NOP9: variants seen among roughly 807,000 people sequenced by gnomAD.
NOP9 encodes nucleolar protein 9.
A neutral mutation model predicts 63.0 loss-of-function variants in NOP9; 50 were observed. The ratio of observed to expected loss-of-function variants is 0.79; its 90% CI spans 0.63 to 1.00. NOP9 has a LOEUF of 1.00. Among genes scored for constraint, NOP9 ranks in the 50% least tolerant of loss-of-function variants. The probability of loss-of-function intolerance (pLI) is 0.00; values close to 1 mark genes in which losing one functional copy is unlikely to be tolerated. For missense variants in NOP9, 758 were observed against 803.0 expected (o/e 0.94, Z 0.68); for synonymous variants, 343 against 332.8 (o/e 1.03, Z -0.33).
the NOP9 span, among the ~76,000 whole-genome samples, chr14:24,286,301 C>T: frequency 0.4 from 60,822 of 152,098 alleles, 13,303 homozygotes; most frequent in Middle Eastern, 0.58. Flanking sequence ...TACAATGTCT[C>T]GTCTGCTCAC....
At chr14:24,291,779 G>A in the NOP9 span, 64 of 747,092 alleles carry the variant, frequency 8.6e-5, no homozygotes, top group East Asian at 1.7e-3. Context: ...GTATTGGCAG[G>A]TGCCAGAGCC....
At chr14:24,304,903 A>AT in intron 9 of NOP9, 35 bp from the exon 10 acceptor site, 1 of 1,497,470 alleles carries the variant, frequency 6.7e-7, no homozygotes. Flanking sequence ...GTCTTTGAGC[A>AT]TGGTAGTACT....
upstream of NOP9, chr14:24,296,436 T>G (rs146498796): frequency 2.2e-4 from 314 of 1,422,568 alleles, 2 homozygotes; most frequent in African/African-American, 3.7e-3. Context: ...GGAGAGGGCA[T>G]GTAAGGAAAG....
At chr14:24,288,855 GT>G in the NOP9 span, among the ~76,000 whole-genome samples, 1 of 151,884 alleles carries the variant, frequency 6.6e-6, no homozygotes, top group Non-Finnish European at 1.5e-5. Context: ...TTTGTTTTTT[GT>G]TTTTTTGAGA....
intron 6 of NOP9, 142 bp from the exon 7 acceptor site, chr14:24,303,590 C>G: frequency 1.2e-6 from 1 of 808,282 alleles, no homozygotes; most frequent in South Asian, 1.6e-5. Context: ...GCTGGGGATA[C>G]AGCAAGGCAT....
Position 24,300,464 on chromosome 14 carries a change from A to G in NOP9, c.304A>G (p.Thr102Ala). 1.2e-6 allele frequency: 2 copies of G among 1,614,238 alleles called. No individual in the cohort carries two copies. The highest frequency in any genetic ancestry group is 8.5e-7 in the Non-Finnish European group (1 of 1,180,036). Residue 102 changes from threonine (T) to alanine (A), a missense_variant, in exon 2 of 10, where the codon ACG becomes GCG. By Grantham distance (58) the Thr-to-Ala change is moderately conservative. Transcript: ENST00000267425. The stretch of plus-strand genomic sequence containing the variant: ...AGAGACTCAGGCCCTAGCTTTGTCC[A>G]CGAACAGGACTGGCAGTGAGATGCT... ...EVETQALALS[T>A]NRTGSEMLQE...
At chr14:24,282,957 G>A in the NOP9 span, among the ~76,000 whole-genome samples, 2 of 152,260 alleles carry the variant, frequency 1.3e-5, no homozygotes, top group South Asian at 2.1e-4. Flanking sequence ...TGAGTTCCCC[G>A]GGAGGCTTGG....
Position 24,308,122 on chromosome 14 carries a change from A to G in NOP9, c.*3027A>G, listed in dbSNP as rs1021562029. On this transcript the variant is annotated 3_prime_UTR_variant, in exon 10 of 10. Transcript: ENST00000267425. ...GGAGCTTGTATGTGTGTCTTTGGTGATGACATGTGTTGTGAGGGTAGATGG... is the reference window on the plus strand; with the variant it reads ...GGAGCTTGTATGTGTGTCTTTGGTGGTGACATGTGTTGTGAGGGTAGATGG... 2.2e-5 allele frequency: 12 copies of G among 541,886 alleles called. No individual in the cohort carries two copies. The highest frequency in any genetic ancestry group is 2.1e-4 in the African/African-American group (11 of 52,652). 33.6% of individuals were successfully genotyped at this position (541,886 alleles called of 1,614,324 possible).
At chr14:24,271,286 A>ACGTGCAAAGCCTGTCC in the NOP9 span, 1 of 836,968 alleles carries the variant, frequency 1.2e-6, no homozygotes, top group African/African-American at 1.7e-5. Context: ...AGGTCCTGGG[A>ACGTGCAAAGCCTGTCC]CAGGCTTTGC....
chr14:24,300,065 G>T lies in NOP9; in HGVS notation c.111G>T (p.Arg37=), dbSNP rs755153399. ...GGCGCCCCTTACCAGGCCGTAAGCG[G>T]CAACCCTGGCCGCCTCCGGATGGGC... ...GSGRPLPGRK[R]QPWPPPDGRS... The change falls in exon 1 of 10, where the codon CGG becomes CGT. Residue 37 remains arginine (R), a synonymous_variant. Transcript: ENST00000267425. 1.9e-6 allele frequency: 3 copies of T among 1,612,444 alleles called. No homozygotes were observed. Among genetic ancestry groups the T allele is most frequent in the Non-Finnish European group, 2.5e-6 (3 of 1,179,712 alleles).
chr14:24,296,931 C>A, upstream of NOP9: 1 of 1,609,258 alleles, frequency 6.2e-7, no homozygotes, highest in South Asian at 1.1e-5. Context: ...GGGTGTGAGT[C>A]ATGACAAAAC....
chr14:24,276,250 G>T, the NOP9 span, among the ~76,000 whole-genome samples: 70 of 151,408 alleles, frequency 4.6e-4, no homozygotes, highest in Middle Eastern at 3.4e-3. Context: ...GGTGGTACGT[G>T]CCTGTAGTCC....
At chr14:24,290,722 C>T in the NOP9 span, 1 of 1,150,244 alleles carries the variant, frequency 8.7e-7, no homozygotes, top group Admixed American at 2.2e-5. Flanking sequence ...CAGAACTCAC[C>T]ACGGACACAC....
At chr14:24,292,308 C>T in the NOP9 span, 6 of 1,613,946 alleles carry the variant, frequency 3.7e-6, no homozygotes, top group African/African-American at 2.7e-5. Flanking sequence ...CTCGTGGGCA[C>T]AGTCAGCAGC....
the NOP9 span, chr14:24,291,081 G>A: frequency 6.2e-7 from 1 of 1,613,226 alleles, no homozygotes. Context: ...CGAGGGAGGA[G>A]TGGGCAGGGA....
the NOP9 span, chr14:24,290,636 T>C: frequency 7.8e-6 from 4 of 510,594 alleles, no homozygotes; most frequent in East Asian, 3.3e-5. Flanking sequence ...TCCAAGAGCA[T>C]TTTTCAATAC....
Position 24,305,836 on chromosome 14 carries a change from G to A in NOP9, c.*741G>A. 6.3e-7 allele frequency: 1 copy of A among 1,594,014 alleles called. No homozygotes were observed. The highest frequency in any genetic ancestry group is 8.6e-7 in the Non-Finnish European group (1 of 1,168,348). On this transcript the variant is annotated 3_prime_UTR_variant, in exon 10 of 10. Transcript: ENST00000267425. Reference sequence around the variant, plus strand: ...GGAGGAAGCCATCAAGCTGGGAGATGAGGACTTTCCACAAGCAAGAGCTAA... The same window carrying A: ...GGAGGAAGCCATCAAGCTGGGAGATAAGGACTTTCCACAAGCAAGAGCTAA...
At chr14:24,296,436 T>C (rs146498796), upstream of NOP9, 10 of 1,422,572 alleles carry the variant, frequency 7.0e-6, no homozygotes, top group African/African-American at 4.2e-5. Context: ...GGAGAGGGCA[T>C]GTAAGGAAAG....
chr14:24,302,220 T>C lies in NOP9; in HGVS notation c.951-12T>C, dbSNP rs765048503. 22 of 1,606,502 alleles carry C rather than the reference T, an allele frequency of 1.4e-5. No homozygotes were observed. In the Admixed American group the frequency reaches 3.7e-4, roughly 27 times the overall value. On this transcript the variant is annotated splice_polypyrimidine_tract_variant and intron_variant, in intron 4 of 9. Transcript: ENST00000267425. Reference sequence around the variant, plus strand: ...TGGAGTTAAGACTGCCTGATGCCCTTCTTGTCCCTAGTCCCCTACTGCTAT... The same window carrying C: ...TGGAGTTAAGACTGCCTGATGCCCTCCTTGTCCCTAGTCCCCTACTGCTAT...
Sources: allele counts gnomAD v4.1 joint callset (sites outside exome capture counted in the v4.1 genomes callset), GRCh38; gene constraint gnomAD v4.1.1; transcripts MANE v1.5; gene names NCBI Gene and HGNC (gene_info 2026-07-23, HGNC 2026-07-21).